The following FRMD6 variants were observed in gnomAD, a reference collection of about 807,000 sequenced individuals.
FRMD6 encodes FERM domain containing 6, also known as FERM domain-containing protein 6.
In FRMD6, 37 loss-of-function variants were observed where a neutral mutation model predicts 73.2. The ratio of observed to expected loss-of-function variants is 0.51; its 90% CI spans 0.39 to 0.66. The LOEUF is 0.66. FRMD6 is among the 30% of genes least tolerant of loss of function. FRMD6 has a pLI of 0.00. For missense variants in FRMD6, 714 were observed against 780.5 expected (o/e 0.91, Z 1.02); for synonymous variants, 273 against 282.2 (o/e 0.97, Z 0.33).
At chr14:51,616,256 G>A (rs141578540) in intron 2 of FRMD6, among the ~76,000 whole-genome samples, 5 of 152,112 alleles carry the variant, frequency 3.3e-5, no homozygotes, top group African/African-American at 1.2e-4. Flanking sequence ...TACACTTACC[G>A]GGGTTATCTA....
intron 1 of FRMD6, among the ~76,000 whole-genome samples, chr14:51,669,521 T>C (rs1893844137): frequency 6.6e-6 from 1 of 152,224 alleles, no homozygotes. Flanking sequence ...TAAGATTTGG[T>C]ATTGTCAGTG....
chr14:51,612,300 A>C (rs1301525460), intron 2 of FRMD6, among the ~76,000 whole-genome samples: 1 of 152,182 alleles, frequency 6.6e-6, no homozygotes, highest in African/African-American at 2.4e-5. Context: ...CAAAGGATAA[A>C]ACCAGCCTCA....
chr14:51,654,707 A>G (rs560329258), intron 1 of FRMD6, among the ~76,000 whole-genome samples: 63 of 152,282 alleles, frequency 4.1e-4, no homozygotes, highest in Non-Finnish European at 1.5e-5. Flanking sequence ...GGATGATCTC[A>G]ACAAGTTTTC....
At chr14:51,510,536 A>C (rs1884238809) in intron 1 of FRMD6, among the ~76,000 whole-genome samples, 1 of 152,120 alleles carries the variant, frequency 6.6e-6, no homozygotes, top group Admixed American at 6.5e-5. Context: ...CTAACCCGTG[A>C]CTTCACTTAT....
At chr14:51,658,202 A>G (rs960544214) in intron 1 of FRMD6, among the ~76,000 whole-genome samples, 7 of 152,212 alleles carry the variant, frequency 4.6e-5, no homozygotes, top group African/African-American at 1.7e-4. Flanking sequence ...GGCTCTGTTC[A>G]GATAGACTCA....
At chr14:51,682,175 T>C (rs1894846256) in intron 1 of FRMD6, among the ~76,000 whole-genome samples, 1 of 152,228 alleles carries the variant, frequency 6.6e-6, no homozygotes, top group African/African-American at 2.4e-5. Context: ...TATTTTCTAC[T>C]TATATATTCC....
rs1192566639 is a variant in FRMD6, at chr14:51,690,440, T to C, written c.99+505T>C. ...TCACTCTGTCACCCAGGCTGGAGTG[T>C]AGTGGCATGATCTCAGCTCACTGCA... On this transcript the variant is annotated intron_variant, in intron 2 of 13. Transcript: ENST00000344768. Among the ~76,000 whole-genome samples the C allele has an allele frequency of 2.0e-5, 3 of 152,190 alleles. No individual in the cohort carries two copies. In the East Asian group the frequency reaches 5.8e-4, roughly 30 times the overall value.
At chr14:51,682,929 A>G (rs547222268) in intron 1 of FRMD6, among the ~76,000 whole-genome samples, 1 of 152,236 alleles carries the variant, frequency 6.6e-6, no homozygotes, top group East Asian at 1.9e-4. Context: ...GGTGGGGACA[A>G]CACACTGTGA....
intron 2 of FRMD6, among the ~76,000 whole-genome samples, chr14:51,627,580 G>A (rs542155867): frequency 1.3e-5 from 2 of 152,306 alleles, no homozygotes; most frequent in African/African-American, 4.8e-5. Context: ...GCCAAGACAG[G>A]AAATGGCAGA....
At chr14:51,563,509 A>G (rs1262734608) in intron 1 of FRMD6, among the ~76,000 whole-genome samples, 1 of 152,104 alleles carries the variant, frequency 6.6e-6, no homozygotes, top group Non-Finnish European at 1.5e-5. Flanking sequence ...ATCTCTACTA[A>G]AAATCCAAAA....
At chr14:51,429,197 C>T in the FRMD6 span, among the ~76,000 whole-genome samples, 88 of 152,280 alleles carry the variant, frequency 5.8e-4, no homozygotes, top group African/African-American at 1.9e-3. Flanking sequence ...TAAATGCCAC[C>T]GACTAATCCC....
the FRMD6 span, among the ~76,000 whole-genome samples, chr14:51,398,063 G>A: frequency 6.6e-6 from 1 of 152,008 alleles, no homozygotes; most frequent in Non-Finnish European, 1.5e-5. Flanking sequence ...TTGGTCTCTA[G>A]AACCAAAAGG....
At chr14:51,556,355 G>A (rs1008818145) in intron 1 of FRMD6, among the ~76,000 whole-genome samples, 6 of 152,150 alleles carry the variant, frequency 3.9e-5, no homozygotes, top group Non-Finnish European at 7.4e-5. Flanking sequence ...ATAATTAGAA[G>A]GTATTTCTTC....
intron 1 of FRMD6, among the ~76,000 whole-genome samples, chr14:51,658,409 C>G (rs1892990146): frequency 8.0e-6 from 1 of 124,808 alleles, no homozygotes; most frequent in Non-Finnish European, 2.0e-5. Context: ...TGAGGTCCCT[C>G]TTGATTCACT....
chr14:51,650,847 C>G (rs1169392843), upstream of FRMD6: 1 of 152,292 alleles, frequency 6.6e-6, no homozygotes, highest in African/African-American at 2.4e-5. Flanking sequence ...TTTTTGCCAC[C>G]CGTGGCCAGG....
chr14:51,667,890 G>C (rs1893716455), intron 1 of FRMD6, among the ~76,000 whole-genome samples: 1 of 152,140 alleles, frequency 6.6e-6, no homozygotes, highest in African/African-American at 2.4e-5. Flanking sequence ...AGGATGTTGA[G>C]AGCTAATGGT....
rs527933835 is a variant in FRMD6, at chr14:51,621,333, G to T, written c.-147+50923G>T. 8.9e-4 allele frequency among the ~76,000 whole-genome samples: 136 copies of T among 152,210 alleles called. 2 individuals are homozygous for T. The highest frequency in any genetic ancestry group is 1.2e-3 in the Admixed American group (18 of 15,282). ...AGCCATGCAAACCAGCTTCTCGTGGGGATGGAGCTTTTCGGCTTAGCTTTT... is the reference window on the plus strand; with the variant it reads ...AGCCATGCAAACCAGCTTCTCGTGGTGATGGAGCTTTTCGGCTTAGCTTTT... On this transcript the variant is annotated intron_variant, in intron 2 of 14. Coordinates refer to the FRMD6 transcript ENST00000356218.
At chr14:51,414,578 C>G in the FRMD6 span, among the ~76,000 whole-genome samples, 10 of 152,178 alleles carry the variant, frequency 6.6e-5, no homozygotes, top group Non-Finnish European at 1.2e-4. Context: ...AGTTTGAAGT[C>G]AGGTAGTGTG....
intron 2 of FRMD6, among the ~76,000 whole-genome samples, chr14:51,622,382 T>C (rs916022817): frequency 6.6e-6 from 1 of 152,216 alleles, no homozygotes; most frequent in Non-Finnish European, 1.5e-5. Flanking sequence ...TGACCCTCAC[T>C]ATATTTATAC....
Sources: gnomAD v4.1 joint callset for allele counts (sites outside exome capture counted in the v4.1 genomes callset) on GRCh38, gnomAD v4.1.1 for gene constraint, MANE v1.5 for transcripts, NCBI Gene and HGNC (gene_info 2026-07-23, HGNC 2026-07-21) for gene names.